Variants in BABAM2 observed in about 807,000 individuals in gnomAD.
The protein encoded by BABAM2 is BRISC and BRCA1 A complex member 2.
A neutral mutation model predicts 54.7 loss-of-function variants in BABAM2; 31 were observed. The observed-to-expected ratio is 0.57, with a 90% CI of 0.43 to 0.77. The LOEUF (loss-of-function observed/expected upper bound fraction) is 0.77, where lower values mean the gene tolerates loss of function less well. Among genes scored for constraint, BABAM2 ranks in the 30% least tolerant of loss-of-function variants. BABAM2 has a pLI of 0.00. For missense variants in BABAM2, 364 were observed against 455.8 expected, an observed-to-expected ratio of 0.80 and a Z score of 1.83; for synonymous variants, 167 against 162.9, an observed-to-expected ratio of 1.03 and a Z score of -0.19.
At chr2:28,055,838 C>A (rs1253185789) in intron 6 of BABAM2, among the ~76,000 whole-genome samples, 1 of 152,268 alleles carries the variant, frequency 6.6e-6, no homozygotes, top group Admixed American at 6.5e-5. Flanking sequence ...TGGAAACAAC[C>A]TAATTGTTCA....
At chr2:28,235,921 A>G (rs1183248689) in intron 7 of BABAM2, among the ~76,000 whole-genome samples, 1 of 152,040 alleles carries the variant, frequency 6.6e-6, no homozygotes, top group Non-Finnish European at 1.5e-5. Context: ...CAGCCTCCCA[A>G]AGTGCTGGGA....
chr2:28,251,267 G>A (rs1343652012), intron 10 of BABAM2, among the ~76,000 whole-genome samples: 1 of 151,544 alleles, frequency 6.6e-6, no homozygotes, highest in Non-Finnish European at 1.5e-5. Context: ...TTTTAAGCCA[G>A]AGGAAATCAA....
At chr2:28,176,595 A>AAAAAAAAAAAAAAAAAAAAAAC (rs1351450797) in intron 7 of BABAM2, among the ~76,000 whole-genome samples, 1 of 146,470 alleles carries the variant, frequency 6.8e-6, no homozygotes, top group Admixed American at 6.9e-5. Flanking sequence ...AAAAAAAAAA[A>AAAAAAAAAAAAAAAAAAAAAAC]ACCTCACTGA....
chr2:28,317,226 C>A (rs914241538), intron 11 of BABAM2, among the ~76,000 whole-genome samples: 1 of 152,172 alleles, frequency 6.6e-6, no homozygotes, highest in Non-Finnish European at 1.5e-5. Flanking sequence ...CCTGACTAAG[C>A]GTCCTGCGGT....
chr2:27,984,420 C>A (rs1327945633), intron 3 of BABAM2, among the ~76,000 whole-genome samples: 1 of 151,970 alleles, frequency 6.6e-6, no homozygotes, highest in Non-Finnish European at 1.5e-5. Flanking sequence ...TGAGTTAATG[C>A]CTTATAGTTA....
chr2:28,117,141 C>CTA (rs1190622283), intron 6 of BABAM2, among the ~76,000 whole-genome samples: 1 of 152,156 alleles, frequency 6.6e-6, no homozygotes, highest in Non-Finnish European at 1.5e-5. Flanking sequence ...ACTAGCCTAG[C>CTA]TATAGCCAGA....
At position 28,322,759 on chromosome 2, in the gene BABAM2, C is replaced by T. The variant is rs971016957; in HGVS notation, c.1089-15691C>T. Among the ~76,000 whole-genome samples, 6 of 152,244 alleles carry T rather than the reference C, an allele frequency of 3.9e-5. No individual in the cohort carries two copies. The highest frequency in any genetic ancestry group is 7.3e-5 in the Non-Finnish European group (5 of 68,042). ...CCAGCATGTTGCAGGCCCAGGAAAG[C>T]ACCCTTCACCTGCAGAGTAAAGGGG... is the stretch of plus-strand genomic sequence containing the variant. On this transcript the variant is annotated intron_variant, in intron 11 of 11. Coordinates refer to ENST00000379624, the MANE Select transcript of BABAM2 (RefSeq NM_199191.3). This position sits in a 1 kb window ranked among gnomAD's most constrained non-coding sequence, Gnocchi z 4.1.
In BABAM2 at chr2:28,304,026, G is replaced by A. The variant is rs1010330651; in HGVS notation, c.1088+5535G>A. Among the ~76,000 whole-genome samples the A allele has an allele frequency of 3.9e-5, 6 of 152,000 alleles. No homozygotes were observed. The highest frequency in any genetic ancestry group is 1.9e-4 in the East Asian group (1 of 5,190). On this transcript the variant is annotated intron_variant, in intron 11 of 11. Coordinates refer to ENST00000379624, the MANE Select transcript of BABAM2 (RefSeq NM_199191.3). This position sits in a 1 kb window ranked among gnomAD's most constrained non-coding sequence, Gnocchi z 4.0. ...CTCCTGAGTACCCAGGACTACAGAC[G>A]TGTGCCACCACACCCAGCTAATTTT... is the stretch of plus-strand genomic sequence containing the variant.
intron 2 of BABAM2, among the ~76,000 whole-genome samples, chr2:27,897,461 G>C (rs1292278599): frequency 6.6e-6 from 1 of 151,976 alleles, no homozygotes; most frequent in South Asian, 2.1e-4. Context: ...GCTAGTGTTA[G>C]GTTAGCTGCT....
intron 7 of BABAM2, chr2:28,233,249 A>G (rs1279271218): frequency 2.1e-6 from 1 of 471,112 alleles, no homozygotes; most frequent in Non-Finnish European, 4.4e-6. Context: ...TCATCTCCTC[A>G]TAATTCTTCC....
intron 7 of BABAM2, among the ~76,000 whole-genome samples, chr2:28,155,458 C>T (rs969290305): frequency 1.3e-5 from 2 of 151,966 alleles, no homozygotes; most frequent in South Asian, 4.1e-4. Flanking sequence ...ATGGAGTACA[C>T]CGTATTTTAA....
chr2:28,315,192 T>A (rs1689427006), intron 11 of BABAM2, among the ~76,000 whole-genome samples: 3 of 151,962 alleles, frequency 2.0e-5, no homozygotes, highest in Admixed American at 2.0e-4. Flanking sequence ...TCAGACCAGC[T>A]GGAATTCAAG....
intron 10 of BABAM2, among the ~76,000 whole-genome samples, chr2:28,253,888 T>C (rs1157386886): frequency 6.6e-6 from 1 of 152,218 alleles, no homozygotes. Context: ...TGTTCACTTA[T>C]AATCCCCTGT....
chr2:28,009,088 C>T (rs1180702056), intron 4 of BABAM2, among the ~76,000 whole-genome samples: 2 of 152,090 alleles, frequency 1.3e-5, no homozygotes, highest in Admixed American at 1.3e-4. Context: ...ATTATTTGGG[C>T]CTTCAATCAC....
At chr2:28,149,176 A>T (rs1182020053) in intron 7 of BABAM2, among the ~76,000 whole-genome samples, 1 of 152,220 alleles carries the variant, frequency 6.6e-6, no homozygotes, top group Non-Finnish European at 1.5e-5. Context: ...AATTAAGCCG[A>T]GTATAACTTA....
intron 6 of BABAM2, among the ~76,000 whole-genome samples, chr2:28,055,781 T>A (rs1678357872): frequency 6.6e-6 from 1 of 152,196 alleles, no homozygotes; most frequent in Non-Finnish European, 1.5e-5. Flanking sequence ...CATAAAGATC[T>A]CTGCACAGCC....
chr2:28,121,397 G>A (rs1466906691), intron 6 of BABAM2, among the ~76,000 whole-genome samples: 19 of 152,164 alleles, frequency 1.2e-4, no homozygotes, highest in Admixed American at 1.2e-3. Context: ...AGACCAAGGT[G>A]TTACTTATGT....
chr2:28,266,271 G>C (rs1034985413), intron 10 of BABAM2, among the ~76,000 whole-genome samples: 2 of 152,200 alleles, frequency 1.3e-5, no homozygotes, highest in African/African-American at 4.8e-5. Flanking sequence ...ACAAGCATGA[G>C]CCACCGTACC....
chr2:28,157,124 A>G (rs1672617336), intron 7 of BABAM2, among the ~76,000 whole-genome samples: 1 of 152,156 alleles, frequency 6.6e-6, no homozygotes, highest in Non-Finnish European at 1.5e-5. Flanking sequence ...TGTGTGGAAA[A>G]TTTCTGTGTC....
Sources: gnomAD v4.1 joint callset for allele counts (sites outside exome capture counted in the v4.1 genomes callset) on GRCh38, gnomAD v4.1.1 for gene constraint, Gnocchi (gnomAD v3.1) non-coding constraint, MANE v1.5 for transcripts, NCBI Gene and HGNC (gene_info 2026-07-23, HGNC 2026-07-21) for gene names.